Variants in CYTH3 observed in about 807,000 individuals in gnomAD.
CYTH3 encodes the protein cytohesin-3.
In CYTH3, 23 loss-of-function variants were observed where a neutral mutation model predicts 55.1. The ratio of observed to expected loss-of-function variants is 0.42; its 90% CI spans 0.30 to 0.59. CYTH3 has a LOEUF of 0.59. Among genes scored for constraint, CYTH3 ranks in the 20% least tolerant of loss-of-function variants. The probability of loss-of-function intolerance (pLI) is 0.20; values close to 1 mark genes in which losing one functional copy is unlikely to be tolerated. For synonymous variants in CYTH3, 249 were observed against 194.9 expected (o/e 1.28, Z -2.31); for missense variants, 413 against 524.8 (o/e 0.79, Z 2.08).
chr7:6,188,484 A>G (rs1022099501), intron 2 of CYTH3, among the ~76,000 whole-genome samples: 1 of 152,152 alleles, frequency 6.6e-6, no homozygotes, highest in Non-Finnish European at 1.5e-5. Flanking sequence ...CCCAGGGAGA[A>G]GCTGAGGCTC....
At chr7:6,191,479 T>C (rs1282734783) in intron 1 of CYTH3, among the ~76,000 whole-genome samples, 2 of 152,092 alleles carry the variant, frequency 1.3e-5, no homozygotes, top group African/African-American at 4.8e-5. Context: ...ATCACACATA[T>C]TTTCAATCAA....
Position 6,225,584 on chromosome 7 carries a change from G to A in CYTH3, c.35-35053C>T, listed in dbSNP as rs550933461. Among the ~76,000 whole-genome samples the A allele has an allele frequency of 2.2e-4, 33 of 152,056 alleles. No individual in the cohort carries two copies. The South Asian group carries it at 3.1e-3, about 14-fold the overall frequency. On this transcript the variant is annotated intron_variant, in intron 1 of 12. Transcript: ENST00000350796. The stretch of plus-strand genomic sequence containing the variant: ...TTGGTCAGGCTGGTCTCGAACACCC[G>A]ACCTCAGGTGATCCACCCACCTTGG...
intron 1 of CYTH3, among the ~76,000 whole-genome samples, chr7:6,192,367 G>C (rs190467104): frequency 2.7e-3 from 414 of 151,210 alleles, no homozygotes; most frequent in African/African-American, 9.6e-3. Flanking sequence ...ACAGACATGC[G>C]CCACCATGTC....
chr7:6,176,821 T>C (rs1208260454), intron 5 of CYTH3, among the ~76,000 whole-genome samples: 1 of 152,198 alleles, frequency 6.6e-6, no homozygotes, highest in East Asian at 1.9e-4. Context: ...GAGCAGTCTT[T>C]CATCATTAAG....
At position 6,240,737 on chromosome 7, in the gene CYTH3, G is replaced by T. The variant is rs760883924; in HGVS notation, c.34+31737C>A. Among the ~76,000 whole-genome samples the T allele has an allele frequency of 1.2e-3, 180 of 152,162 alleles. 1 individual carries two copies. The highest frequency in any genetic ancestry group is 2.1e-3 in the Non-Finnish European group (145 of 68,034). On this transcript the variant is annotated intron_variant, in intron 1 of 12. Coordinates refer to ENST00000350796, the MANE Select transcript of CYTH3 (RefSeq NM_004227.4). ...GAACATGAACACAGAAGTACAGGAA[G>T]AAAACAGATAACATCGGCAAATTCT...
chr7:6,271,939 T>C (rs1412360953), intron 1 of CYTH3, among the ~76,000 whole-genome samples: 5 of 152,034 alleles, frequency 3.3e-5, no homozygotes, highest in African/African-American at 4.8e-5. Context: ...CGACCGTTTC[T>C]GACCCAAAGC....
intron 1 of CYTH3, among the ~76,000 whole-genome samples, chr7:6,209,856 T>C (rs1305977550): frequency 6.6e-6 from 1 of 152,182 alleles, no homozygotes; most frequent in Non-Finnish European, 1.5e-5. Context: ...GAAGCCAATA[T>C]GAAAAGGCTA....
chr7:6,202,558 G>A (rs1317310433), intron 1 of CYTH3, among the ~76,000 whole-genome samples: 1 of 151,840 alleles, frequency 6.6e-6, no homozygotes, highest in Non-Finnish European at 1.5e-5. Flanking sequence ...CCGCCTCCTG[G>A]GTTCAATCGA....
chr7:6,183,823 G>C (rs567738148), intron 4 of CYTH3, among the ~76,000 whole-genome samples: 1 of 152,094 alleles, frequency 6.6e-6, no homozygotes, highest in South Asian at 2.1e-4. Context: ...AGTGTTACAT[G>C]AGGTCCTGGC....
intron 1 of CYTH3, among the ~76,000 whole-genome samples, chr7:6,201,648 T>C (rs1583779893): frequency 1.3e-5 from 2 of 152,282 alleles, no homozygotes; most frequent in African/African-American, 4.8e-5. Context: ...CCTGACTGTG[T>C]AAGATAACAA....
At chr7:6,187,492 C>A (rs1250468636) in intron 3 of CYTH3, among the ~76,000 whole-genome samples, 165 bp downstream of exon 3, 1 of 152,152 alleles carries the variant, frequency 6.6e-6, no homozygotes, top group Non-Finnish European at 1.5e-5. Flanking sequence ...CAGGGAAACA[C>A]CCCTGGACCC....
intron 1 of CYTH3, among the ~76,000 whole-genome samples, chr7:6,212,125 A>G (rs1052327874): frequency 1.3e-4 from 20 of 152,092 alleles, no homozygotes; most frequent in African/African-American, 3.9e-4. Context: ...CTCTATCTCC[A>G]TGAGTTCAAT....
intron 1 of CYTH3, among the ~76,000 whole-genome samples, chr7:6,197,092 T>C (rs531500037): frequency 7.2e-5 from 11 of 152,328 alleles, no homozygotes; most frequent in Non-Finnish European, 1.3e-4. Context: ...ACCAGAATGA[T>C]TTAACTCTAA....
intron 4 of CYTH3, 145 bp downstream of exon 4, chr7:6,186,903 CCT>C (rs1190226369): frequency 1.2e-6 from 1 of 808,010 alleles, no homozygotes; most frequent in Non-Finnish European, 2.1e-6. Context: ...GCGAAAAGCC[CCT>C]TTTTGATAAA....
Position 6,170,958 on chromosome 7 carries a change from A to C in CYTH3, c.583T>G (p.Phe195Val), listed in dbSNP as rs1346075897. The change falls in exon 8 of 13, where the codon TTC (phenylalanine) becomes GTC (valine). Residue 195 changes from phenylalanine (F) to valine (V), a missense_variant. By Grantham distance (50) the Phe-to-Val change is conservative (BLOSUM62 -1). This residue lies in a region of CYTH3 where 156 missense variants were observed against 233.1 expected (regional missense o/e 0.67). Transcript: ENST00000350796. The surrounding 1 kb of genome is among the most constrained non-coding windows in gnomAD (Gnocchi z 7.8). ...QSTDTCYVLS[F>V]AIIMLNTSLH... ...CTGGTGTTGAGCATGATGATGGCGA[A>C]TGACAGCACGTAGCACGTGTCTGCA... 3 of 1,613,876 alleles carry C rather than the reference A, an allele frequency of 1.9e-6. No individual in the cohort carries two copies. The highest frequency in any genetic ancestry group is 2.5e-6 in the Non-Finnish European group (3 of 1,179,942).
chr7:6,181,892 A>C (rs1322391030), intron 4 of CYTH3, among the ~76,000 whole-genome samples: 1 of 152,144 alleles, frequency 6.6e-6, no homozygotes, highest in Non-Finnish European at 1.5e-5. Context: ...ACACACTCCT[A>C]GTTTTCATTT....
chr7:6,199,250 T>C (rs1040196174), intron 1 of CYTH3, among the ~76,000 whole-genome samples: 9 of 152,206 alleles, frequency 5.9e-5, no homozygotes, highest in African/African-American at 2.2e-4. Flanking sequence ...GGTCTATATT[T>C]TAGGTTCAGG....
chr7:6,216,635 G>A (rs1784433307), intron 1 of CYTH3, among the ~76,000 whole-genome samples: 1 of 152,078 alleles, frequency 6.6e-6, no homozygotes, highest in African/African-American at 2.4e-5. Context: ...CAGCTACACA[G>A]GAGGCTGAGG....
chr7:6,209,486 G>C (rs777116893), intron 1 of CYTH3, among the ~76,000 whole-genome samples: 11 of 152,138 alleles, frequency 7.2e-5, no homozygotes, highest in Non-Finnish European at 1.3e-4. Context: ...TGTCGTTGGC[G>C]GTGCGGGGGA....
Sources: gnomAD v4.1 joint callset for allele counts (sites outside exome capture counted in the v4.1 genomes callset) on GRCh38, gnomAD v4.1.1 for gene constraint, gnomAD v4.1.1 regional missense constraint, Gnocchi (gnomAD v3.1) non-coding constraint, MANE v1.5 for transcripts, NCBI Gene and HGNC (gene_info 2026-07-23, HGNC 2026-07-21) for gene names.